The following ARHGAP26 variants were observed in gnomAD, a reference collection of about 807,000 sequenced individuals.
ARHGAP26 encodes the protein Rho GTPase activating protein 26.
In ARHGAP26, 38 loss-of-function variants were observed where a neutral mutation model predicts 104.8. The observed-to-expected ratio is 0.36, with a 90% CI of 0.28 to 0.48. The LOEUF (loss-of-function observed/expected upper bound fraction) is 0.48. Ranked by LOEUF, ARHGAP26 falls within the 20% of genes least tolerant of loss-of-function variation. The pLI, the probability that ARHGAP26 is intolerant of heterozygous loss-of-function variation, is 0.99. For synonymous variants in ARHGAP26, 341 were observed against 340.0 expected, an observed-to-expected ratio of 1.00 and a Z score of -0.03; for missense variants, 704 against 947.9, an observed-to-expected ratio of 0.74 and a Z score of 3.38.
chr5:142,842,360 A>T (rs1770984536), intron 1 of ARHGAP26, among the ~76,000 whole-genome samples: 1 of 152,132 alleles, frequency 6.6e-6, no homozygotes, highest in South Asian at 2.1e-4. Context: ...TGTGGGACAG[A>T]AGGTTTGTGG....
At chr5:143,014,012 G>A (rs1779237728) in intron 11 of ARHGAP26, 68 bp from the exon 12 acceptor site, 4 of 1,507,512 alleles carry the variant, frequency 2.7e-6, no homozygotes, top group Non-Finnish European at 3.7e-6. Flanking sequence ...GAAGATAATG[G>A]TTTTCTACAG....
At chr5:142,866,299 G>T (rs1024631282) in intron 1 of ARHGAP26, among the ~76,000 whole-genome samples, 1 of 152,154 alleles carries the variant, frequency 6.6e-6, no homozygotes, top group Non-Finnish European at 1.5e-5. Flanking sequence ...TAGTGTAGTA[G>T]TTAAGAGTTT....
rs192334967 is a variant in ARHGAP26, at chr5:142,965,303, G to A, written c.1107+33178G>A. 4.9e-3 allele frequency among the ~76,000 whole-genome samples: 746 copies of A among 152,324 alleles called. 6 individuals are homozygous for A. The highest frequency in any genetic ancestry group is 8.2e-3 in the Non-Finnish European group (555 of 68,028). On this transcript the variant is annotated intron_variant, in intron 11 of 22. Transcript: ENST00000645722. The stretch of plus-strand genomic sequence containing the variant: ...TGATGTCAGGCCCTCCACAAGAGGT[G>A]GAGGAGCAGAGTCTTCTCTAAACTC...
intron 5 of ARHGAP26, among the ~76,000 whole-genome samples, chr5:142,886,721 T>TA (rs67682062): frequency 8.0e-4 from 116 of 144,798 alleles, no homozygotes; most frequent in South Asian, 3.1e-3. Flanking sequence ...ACCTAAAAAA[T>TA]AAAAAAAAAA....
Position 143,101,808 on chromosome 5 carries a change from A to G in ARHGAP26, c.1539-19180A>G, listed in dbSNP as rs191527964. ...TCTACACAAAATTTAACTGGACAAG[A>G]TAGGGAGAGAAGCTGGAGAAGGGAA... is the stretch of plus-strand genomic sequence containing the variant. On this transcript the variant is annotated intron_variant, in intron 17 of 22. Coordinates refer to ENST00000645722, the MANE Select transcript of ARHGAP26 (RefSeq NM_001135608.3). 2.3e-4 allele frequency among the ~76,000 whole-genome samples: 35 copies of G among 151,792 alleles called. No homozygotes were observed. The East Asian group carries it at 5.4e-3, about 24-fold the overall frequency.
chr5:143,093,622 TCCTCTCTCTCTCTG>T (rs948163701), intron 17 of ARHGAP26, among the ~76,000 whole-genome samples: 2 of 151,716 alleles, frequency 1.3e-5, no homozygotes, highest in African/African-American at 4.8e-5. Flanking sequence ...CTTTGTCTCC[TCCTCTCTCTCTCTG>T]CCTCTTTCTC....
intron 22 of ARHGAP26, among the ~76,000 whole-genome samples, chr5:143,221,158 A>G (rs1811077343): frequency 6.6e-6 from 1 of 152,166 alleles, no homozygotes; most frequent in South Asian, 2.1e-4. Flanking sequence ...CCTTCCTGCT[A>G]TTGACTACTG....
chr5:142,983,470 T>A, intron 11 of ARHGAP26, among the ~76,000 whole-genome samples: 1 of 152,192 alleles, frequency 6.6e-6, no homozygotes, highest in African/African-American at 2.4e-5. Flanking sequence ...CCTCTCAAAG[T>A]GCTGGGATTA....
intron 17 of ARHGAP26, among the ~76,000 whole-genome samples, chr5:143,079,067 C>G (rs1272798462): frequency 6.6e-6 from 1 of 152,230 alleles, no homozygotes; most frequent in Non-Finnish European, 1.5e-5. Context: ...ATGTGTTTAA[C>G]TTTTCCTTTG....
At chr5:143,076,962 C>G (rs1789127064) in intron 17 of ARHGAP26, among the ~76,000 whole-genome samples, 1 of 152,130 alleles carries the variant, frequency 6.6e-6, no homozygotes, top group Non-Finnish European at 1.5e-5. Flanking sequence ...TGCAAACATC[C>G]TTTTGCACAT....
intron 11 of ARHGAP26, among the ~76,000 whole-genome samples, chr5:142,976,145 A>T (rs1773055569): frequency 6.6e-6 from 1 of 152,230 alleles, no homozygotes. Flanking sequence ...TGGTATCATC[A>T]TATTCTATTT....
intron 14 of ARHGAP26, among the ~76,000 whole-genome samples, chr5:143,051,667 A>G (rs1031905921): frequency 3.3e-5 from 5 of 152,218 alleles, no homozygotes; most frequent in African/African-American, 1.2e-4. Flanking sequence ...TGCTCAAGTT[A>G]TGAGCCTTGC....
intron 11 of ARHGAP26, among the ~76,000 whole-genome samples, chr5:142,960,629 T>C (rs37207): frequency 0.081 from 12,390 of 152,260 alleles, 793 homozygotes; most frequent in East Asian, 0.27. Flanking sequence ...GGGAGACTAC[T>C]GTAATGTGAA....
intron 11 of ARHGAP26, among the ~76,000 whole-genome samples, chr5:142,988,579 T>A (rs1237810548): frequency 6.6e-6 from 1 of 152,214 alleles, no homozygotes; most frequent in Non-Finnish European, 1.5e-5. Context: ...TTAATTATGA[T>A]GTTAGGGTGT....
At chr5:142,858,094 T>TGTGTGTGTGTGAGAGA (rs1424264346) in intron 1 of ARHGAP26, among the ~76,000 whole-genome samples, 1 of 127,170 alleles carries the variant, frequency 7.9e-6, no homozygotes, top group African/African-American at 3.1e-5. Context: ...TGTGTGTGTG[T>TGTGTGTGTGTGAGAGA]GAGAGAGAGA....
At chr5:143,067,277 G>T (rs1352821664) in intron 17 of ARHGAP26, among the ~76,000 whole-genome samples, 1 of 152,070 alleles carries the variant, frequency 6.6e-6, no homozygotes, top group African/African-American at 2.4e-5. Flanking sequence ...TGCCCTCTCA[G>T]ATGTCATTCC....
At chr5:142,972,703 C>T (rs1218424859) in intron 11 of ARHGAP26, among the ~76,000 whole-genome samples, 1 of 152,122 alleles carries the variant, frequency 6.6e-6, no homozygotes, top group Non-Finnish European at 1.5e-5. Context: ...GAATGCAATA[C>T]ACATTATTAA....
chr5:143,008,623 CT>C (rs1441502432), intron 11 of ARHGAP26, among the ~76,000 whole-genome samples: 9 of 152,160 alleles, frequency 5.9e-5, no homozygotes, highest in Non-Finnish European at 1.0e-4. Flanking sequence ...AACAAATTTC[CT>C]TATGAACCTA....
At chr5:143,123,101 G>A (rs147587728) in intron 18 of ARHGAP26, among the ~76,000 whole-genome samples, 3,395 of 152,268 alleles carry the variant, frequency 0.022, 45 homozygotes, top group Middle Eastern at 0.061. Flanking sequence ...CTCCAAAATG[G>A]CTCCCAGTGA....
Sources: gnomAD v4.1 joint callset for allele counts (sites outside exome capture counted in the v4.1 genomes callset) on GRCh38, gnomAD v4.1.1 for gene constraint, MANE v1.5 for transcripts, NCBI Gene and HGNC (gene_info 2026-07-23, HGNC 2026-07-21) for gene names.